Variants in KATNAL2 observed in about 807,000 individuals in gnomAD.
KATNAL2 encodes the protein katanin catalytic subunit A1 like 2.
KATNAL2 carries 52 observed loss-of-function variants against 76.3 expected under a neutral mutation model. That is an observed-to-expected ratio of 0.68 (90% CI 0.55 to 0.86). The LOEUF is 0.86. KATNAL2 is among the 40% of genes least tolerant of loss of function. KATNAL2 has a pLI of 0.00. For synonymous variants in KATNAL2, 243 were observed against 244.2 expected, an observed-to-expected ratio of 1.00 and a Z score of 0.05; for missense variants, 660 against 668.9, an observed-to-expected ratio of 0.99 and a Z score of 0.15.
Position 47,077,266 on chromosome 18 carries a change from C to T in KATNAL2, c.1101-85C>T. On this transcript the variant is annotated intron_variant, in intron 14 of 17. Coordinates refer to ENST00000683218, the MANE Select transcript of KATNAL2 (RefSeq NM_001387690.1). ...ATCAGAACAGAAACTGTTCTACAGT[C>T]ACAGGGACATTGCTGTGAATGCTGC... 3.9e-6 allele frequency: 4 copies of T among 1,022,780 alleles called. No homozygotes were observed. The South Asian group carries it at 3.9e-5, about 10-fold the overall frequency. The allele number at this position is 1,022,780 out of a possible 1,614,324, so 63.4% of individuals were successfully genotyped here.
chr18:47,095,744 G>T (rs948232469), intron 15 of KATNAL2, among the ~76,000 whole-genome samples: 1 of 152,180 alleles, frequency 6.6e-6, no homozygotes, highest in Non-Finnish European at 1.5e-5. Context: ...CAACTGGTGT[G>T]GTGTGGGTGC....
intron 3 of KATNAL2, chr18:47,034,434 C>T (rs1599583418): frequency 1.2e-6 from 2 of 1,614,120 alleles, no homozygotes; most frequent in African/African-American, 1.3e-5. Context: ...TCTTGAAGTC[C>T]GAAGGCTGCC....
chr18:46,932,937 A>G (rs1241915043), intron 1 of KATNAL2, among the ~76,000 whole-genome samples: 1 of 151,722 alleles, frequency 6.6e-6, no homozygotes, highest in Non-Finnish European at 1.5e-5. Context: ...TAATTTTTGT[A>G]TTTTTAATAG....
chr18:47,054,290 A>C, intron 5 of KATNAL2, 106 bp from the exon 6 acceptor site: 2 of 1,009,482 alleles, frequency 2.0e-6, no homozygotes, highest in Non-Finnish European at 3.1e-6. Flanking sequence ...ATTGGTTAAA[A>C]CTCAAATTTT....
At chr18:47,056,572 C>G (rs1569089618) in intron 6 of KATNAL2, among the ~76,000 whole-genome samples, 1 of 152,180 alleles carries the variant, frequency 6.6e-6, no homozygotes, top group Non-Finnish European at 1.5e-5. Context: ...GCACCTAGGA[C>G]TAATGGTTAA....
chr18:46,919,007 ATGTGTGTGTGTG>A (rs112427539), intron 1 of KATNAL2, among the ~76,000 whole-genome samples: 1 of 143,218 alleles, frequency 7.0e-6, no homozygotes, highest in Non-Finnish European at 1.5e-5. Context: ...ATATATATAT[ATGTGTGTGTGTG>A]TGTGTGTGTG....
Position 47,067,088 on chromosome 18 carries a change from T to C in KATNAL2, c.794T>C (p.Leu265Ser). 6.3e-7 allele frequency: 1 copy of C among 1,583,362 alleles called. No individual in the cohort carries two copies. The stretch of plus-strand genomic sequence containing the variant: ...ATTGGACTTGATGCAGCCAAGCAGT[T>C]AGTCAAAGAAGCTGTTGTGTATCCT... ...DIIGLDAAKQ[L>S]VKEAVVYPIR... Residue 265 changes from leucine to serine, a missense_variant, in exon 11 of 18, where the codon TTA becomes TCA. Physicochemically the swap from Leu to Ser is moderately radical, Grantham distance 145. Coordinates refer to ENST00000683218, the MANE Select transcript of KATNAL2 (RefSeq NM_001387690.1).
Position 47,075,297 on chromosome 18 carries a change from C to A in KATNAL2, c.1029C>A (p.Arg343=), listed in dbSNP as rs1599772042. The change falls in exon 14 of 18, where the codon CGC becomes CGA. Residue 343 remains arginine, a synonymous_variant. Coordinates refer to ENST00000683218, the MANE Select transcript of KATNAL2 (RefSeq NM_001387690.1). ...KLVRVLFELA[R]YHAPSTIFLD... is the part of the protein sequence containing the mutation. ...CCCAGGTGTTATTTGAGCTTGCCCG[C>A]TACCACGCCCCATCCACGATCTTCC... The A allele has an allele frequency of 6.4e-7, 1 of 1,557,094 alleles. No individual in the cohort carries two copies. The highest frequency in any genetic ancestry group is 8.6e-7 in the Non-Finnish European group (1 of 1,157,310).
chr18:46,925,172 G>A (rs1294625409), intron 1 of KATNAL2, among the ~76,000 whole-genome samples: 1 of 152,120 alleles, frequency 6.6e-6, no homozygotes, highest in Non-Finnish European at 1.5e-5. Context: ...GTTTTCAAAG[G>A]GAATGCTCCA....
At chr18:47,086,604 T>C (rs60573943) in intron 15 of KATNAL2, among the ~76,000 whole-genome samples, 16,938 of 152,240 alleles carry the variant, frequency 0.11, 1,053 homozygotes, top group Non-Finnish European at 0.14. Flanking sequence ...CGTGAGCCAC[T>C]GTGCCCAGCC....
intron 1 of KATNAL2, among the ~76,000 whole-genome samples, chr18:46,935,086 C>G (rs913783156): frequency 1.6e-4 from 25 of 151,740 alleles, no homozygotes; most frequent in African/African-American, 5.8e-4. Flanking sequence ...AAATGTCAAA[C>G]AAAAGGAAAC....
chr18:47,035,354 C>G, intron 3 of KATNAL2: 1 of 1,590,978 alleles, frequency 6.3e-7, no homozygotes, highest in East Asian at 2.3e-5. Context: ...GGCCGGTCCT[C>G]GCTGCCCGGT....
At chr18:46,939,619 T>C (rs1156592899) in intron 1 of KATNAL2, among the ~76,000 whole-genome samples, 2 of 152,192 alleles carry the variant, frequency 1.3e-5, no homozygotes, top group Non-Finnish European at 2.9e-5. Flanking sequence ...TCTTGCATGC[T>C]AGCCACAGTT....
At chr18:47,046,571 C>A in intron 4 of KATNAL2, 44 bp downstream of exon 4, 1 of 1,271,648 alleles carries the variant, frequency 7.9e-7, no homozygotes, top group Non-Finnish European at 1.1e-6. Flanking sequence ...TCCTCTTTCT[C>A]TGCTCTCTAC....
At chr18:47,057,406 T>A (rs2061502730) in intron 6 of KATNAL2, among the ~76,000 whole-genome samples, 1 of 152,204 alleles carries the variant, frequency 6.6e-6, no homozygotes. Flanking sequence ...ATTATGAGGA[T>A]GTAGTGAAAA....
At chr18:46,946,724 CT>C in intron 2 of KATNAL2, 129 bp from the exon 3 acceptor site, 2 of 1,109,940 alleles carry the variant, frequency 1.8e-6, no homozygotes, top group Middle Eastern at 3.0e-4. Flanking sequence ...TTAAAGAATC[CT>C]TCTGTGGCCA....
intron 1 of KATNAL2, among the ~76,000 whole-genome samples, chr18:46,927,900 G>A (rs141047066): frequency 2.0e-3 from 298 of 152,130 alleles, no homozygotes; most frequent in African/African-American, 6.7e-3. Context: ...TTCTGCATTC[G>A]TCACGTAGCT....
chr18:47,040,930 A>C (rs1303891821), intron 3 of KATNAL2, among the ~76,000 whole-genome samples: 1 of 152,230 alleles, frequency 6.6e-6, no homozygotes, highest in Non-Finnish European at 1.5e-5. Flanking sequence ...TTATAATAAG[A>C]GTTTCAGAAG....
At position 46,962,367 on chromosome 18, in the gene KATNAL2, G is replaced by C. The variant is rs2060008637; in HGVS notation, c.51+15444G>C. Among the ~76,000 whole-genome samples, 4 of 98,200 alleles carry C rather than the reference G, an allele frequency of 4.1e-5. 1 individual carries two copies. The highest frequency in any genetic ancestry group is 1.9e-4 in the African/African-American group (4 of 20,606). 64.4% of individuals were successfully genotyped at this position (98,200 alleles called of 152,430 possible). On this transcript the variant is annotated intron_variant, in intron 3 of 17. Coordinates refer to ENST00000683218, the MANE Select transcript of KATNAL2 (RefSeq NM_001387690.1). Reference sequence around the variant, plus strand: ...GTAGTCGGAGTTATCAGTGTCAACTGGTGGATTGAGAGTTTGTGTCTAAGA... The same window carrying C: ...GTAGTCGGAGTTATCAGTGTCAACTCGTGGATTGAGAGTTTGTGTCTAAGA...
Sources: gnomAD v4.1 joint callset for allele counts (sites outside exome capture counted in the v4.1 genomes callset) on GRCh38, gnomAD v4.1.1 for gene constraint, MANE v1.5 for transcripts, NCBI Gene and HGNC (gene_info 2026-07-23, HGNC 2026-07-21) for gene names.